Variants in AADACL3 observed in about 807,000 individuals in gnomAD.
AADACL3 encodes arylacetamide deacetylase like 3.
AADACL3 carries 13 observed loss-of-function variants against 13.6 expected under a neutral mutation model. The observed-to-expected ratio is 0.95, with a 90% CI of 0.62 to 1.52. AADACL3 has a LOEUF of 1.52. Among genes scored for constraint, AADACL3 ranks in the 40% most tolerant of loss-of-function variants. The probability of loss-of-function intolerance (pLI) is 0.00; values close to 1 mark genes in which losing one functional copy is unlikely to be tolerated. For synonymous variants in AADACL3, 195 were observed against 197.0 expected (o/e 0.99, Z 0.08); for missense variants, 519 against 499.2 (o/e 1.04, Z -0.38).
At position 12,725,203 on chromosome 1, in the gene AADACL3, T is replaced by C; in HGVS notation, c.450-19T>C. On this transcript the variant is annotated intron_variant, in intron 3 of 3. Coordinates refer to ENST00000359318, the MANE Select transcript of AADACL3 (RefSeq NM_001103170.3). ...ATCTGCCGGGGCGTTATCAACTGTG[T>C]TTCTTGATTCCTTTTTAGTTACCGC... is the stretch of plus-strand genomic sequence containing the variant. The C allele has an allele frequency of 6.4e-7, 1 of 1,573,138 alleles. No homozygotes were observed. The highest frequency in any genetic ancestry group is 8.6e-7 in the Non-Finnish European group (1 of 1,160,408).
intron 3 of AADACL3, among the ~76,000 whole-genome samples, chr1:12,723,788 AT>A (rs34002486): frequency 2.8e-4 from 38 of 137,752 alleles, no homozygotes; most frequent in Admixed American, 5.2e-4. Context: ...TGACTTTATA[AT>A]TTTTTTTTTT....
chr1:12,716,446 T>C, intron 1 of AADACL3, 102 bp downstream of exon 1: 2 of 1,492,064 alleles, frequency 1.3e-6, no homozygotes, highest in Non-Finnish European at 1.9e-6. Flanking sequence ...ACCGGTATCA[T>C]GGGGCCTGCA....
At position 12,725,873 on chromosome 1, in the gene AADACL3, G is replaced by T; in HGVS notation, c.1101G>T (p.Val367=). 2 of 1,614,206 alleles carry T rather than the reference G, an allele frequency of 1.2e-6. No individual in the cohort carries two copies. Among genetic ancestry groups the T allele is most frequent in the Non-Finnish European group, 1.7e-6 (2 of 1,180,034 alleles). ...GGCTGGAAGACCTGGGAGTGCCCGT[G>T]ACCTGGCACCATATGGAGGATGGTT... ...KKRLEDLGVP[V]TWHHMEDGFH... The change falls in exon 4 of 4, where the codon GTG becomes GTT. Residue 367 remains valine (V), a synonymous_variant. Coordinates refer to ENST00000359318, the MANE Select transcript of AADACL3 (RefSeq NM_001103170.3).
Position 12,719,675 on chromosome 1 carries a change from C to T in AADACL3, c.369C>T (p.Gly123=), listed in dbSNP as rs200204186. The part of the protein sequence containing the change: ...PGIVYYHGGG[G]VMGSLKTHHG... The stretch of plus-strand genomic sequence containing the variant: ...TCGTGTACTACCACGGTGGCGGGGG[C>T]GTCATGGGGAGTTTGAGTAAGAACC... Residue 123 remains glycine (G), a synonymous_variant, in exon 2 of 4, where the codon GGC becomes GGT. Coordinates refer to ENST00000359318, the MANE Select transcript of AADACL3 (RefSeq NM_001103170.3). The T allele has an allele frequency of 8.1e-6, 13 of 1,613,808 alleles. No individual in the cohort carries two copies. Among genetic ancestry groups the T allele is most frequent in the East Asian group, 4.5e-5 (2 of 44,884 alleles).
In AADACL3 at chr1:12,719,626, C is replaced by A. The variant is rs1648523657; in HGVS notation, c.320C>A (p.Ser107Tyr). The change falls in exon 2 of 4, where the codon TCC becomes TAC. Residue 107 changes from serine to tyrosine, a missense_variant. Physicochemically the swap from Ser to Tyr is moderately radical, Grantham distance 144 (BLOSUM62 -2). Coordinates refer to ENST00000359318, the MANE Select transcript of AADACL3 (RefSeq NM_001103170.3). ...IPVKLYQPKA[S>Y]TCTLKPGIVY... is the part of the protein sequence containing the mutation. ...GTGAAGCTGTACCAACCCAAGGCAT[C>A]CACCTGCACCCTGAAGCCTGGCATC... 6.2e-7 allele frequency: 1 copy of A among 1,614,054 alleles called. No homozygotes were observed. Among genetic ancestry groups the A allele is most frequent in the Non-Finnish European group, 8.5e-7 (1 of 1,180,030 alleles).
intron 3 of AADACL3, among the ~76,000 whole-genome samples, chr1:12,721,389 T>G (rs1638256904): frequency 6.6e-6 from 1 of 152,058 alleles, no homozygotes; most frequent in Non-Finnish European, 1.5e-5. Flanking sequence ...AACAAGACCC[T>G]GTCTTAAAAC....
At chr1:12,723,422 G>T (rs533226743) in intron 3 of AADACL3, among the ~76,000 whole-genome samples, 1 of 152,242 alleles carries the variant, frequency 6.6e-6, no homozygotes, top group South Asian at 2.1e-4. Context: ...GCCTCATTGA[G>T]AGCTTCTGTA....
Position 12,726,228 on chromosome 1 carries a change from G to T in AADACL3, c.*232G>T. On this transcript the variant is annotated 3_prime_UTR_variant, in exon 4 of 4. Transcript: ENST00000359318. ...GGGAGTGTGGCTGTCTCTATTCTCT[G>T]TTGGGAAAACCTGGGCTGACAATAT... The T allele has an allele frequency of 1.9e-6, 1 of 535,978 alleles. No homozygotes were observed. The highest frequency in any genetic ancestry group is 3.3e-6 in the Non-Finnish European group (1 of 307,402). The allele number at this position is 535,978 out of a possible 1,614,324, so 33.2% of individuals were successfully genotyped here.
At chr1:12,717,878 G>C (rs1301426217) in intron 1 of AADACL3, among the ~76,000 whole-genome samples, 1 of 151,956 alleles carries the variant, frequency 6.6e-6, no homozygotes, top group African/African-American at 2.4e-5. Context: ...AACACAAGGG[G>C]GTCATGGATT....
intron 1 of AADACL3, among the ~76,000 whole-genome samples, chr1:12,719,157 T>C (rs543950453): frequency 6.6e-6 from 1 of 152,076 alleles, no homozygotes; most frequent in East Asian, 1.9e-4. Flanking sequence ...CAGGGCCTCG[T>C]GGTGGAGGTG....
rs760312708 is a variant in AADACL3 at position 12,720,902 on chromosome 1, C to A, written c.405C>A (p.Cys135Ter). The A allele has an allele frequency of 1.9e-6, 3 of 1,612,646 alleles. No homozygotes were observed. In the South Asian group the frequency reaches 3.3e-5, roughly 18 times the overall value. ...MGSLKTHHGI[C>*]SRLCKESDSV... Reference sequence around the variant, plus strand: ...TTCTAGAAACCCACCATGGCATATGCTCTCGTTTGTGCAAGGAGAGTGACT... The same window carrying A: ...TTCTAGAAACCCACCATGGCATATGATCTCGTTTGTGCAAGGAGAGTGACT... Residue 135 changes from cysteine to a stop codon, truncating the protein, a stop_gained, in exon 3 of 4, where the codon TGC becomes TGA. Coordinates refer to ENST00000359318, the MANE Select transcript of AADACL3 (RefSeq NM_001103170.3). LOFTEE classifies it low-confidence loss of function (END_TRUNC).
At position 12,728,439 on chromosome 1, in the gene AADACL3, A is replaced by T. The variant is rs3000929; in HGVS notation, c.*2443A>T. On this transcript the variant is annotated 3_prime_UTR_variant, in exon 4 of 4. Transcript: ENST00000359318. ...CAATAGCATTATGTCTTTAAAAAGC[A>T]TGTACATACCTTAATTTAAAAATAC... 12 of 152,180 alleles carry T rather than the reference A, an allele frequency of 7.9e-5. No homozygotes were observed. Among genetic ancestry groups the T allele is most frequent in the African/African-American group, 2.9e-4 (12 of 41,420 alleles). The allele number at this position is 152,180 out of a possible 1,614,324, so 9.4% of individuals were successfully genotyped here. A position where few individuals can be genotyped will look rare whatever the true frequency, so the allele number is the denominator to read the frequency against.
At chr1:12,722,396 C>T (rs1333093054) in intron 3 of AADACL3, among the ~76,000 whole-genome samples, 1 of 150,864 alleles carries the variant, frequency 6.6e-6, no homozygotes, top group African/African-American at 2.4e-5. Flanking sequence ...CCTGGATAAA[C>T]CCCTGACTTT....
At chr1:12,723,686 C>A (rs1638309594) in intron 3 of AADACL3, among the ~76,000 whole-genome samples, 1 of 152,006 alleles carries the variant, frequency 6.6e-6, no homozygotes, top group Non-Finnish European at 1.5e-5. Context: ...ACCTTGTTGC[C>A]CAGGCTGGTT....
intron 1 of AADACL3, among the ~76,000 whole-genome samples, chr1:12,718,834 T>C (rs535709386): frequency 6.6e-6 from 1 of 152,296 alleles, no homozygotes; most frequent in African/African-American, 2.4e-5. Flanking sequence ...CTTTGACATA[T>C]ACCAAAGGGG....
chr1:12,725,344 G>A lies in AADACL3; in HGVS notation c.572G>A (p.Gly191Asp). 1.2e-6 allele frequency: 2 copies of A among 1,614,144 alleles called. No individual in the cohort carries two copies. Among genetic ancestry groups the A allele is most frequent in the Non-Finnish European group, 1.7e-6 (2 of 1,180,020 alleles). The change falls in exon 4 of 4, where the codon GGT becomes GAT. Residue 191 changes from glycine to aspartate, a missense_variant. By Grantham distance (94) the Gly-to-Asp change is moderately conservative. Transcript: ENST00000359318. ...GVDPARVVVC[G>D]DSFGGAIAAV... ...GATCCAGCCCGGGTTGTGGTCTGCGGTGACAGTTTCGGAGGGGCAATAGCC... is the reference window on the plus strand; with the variant it reads ...GATCCAGCCCGGGTTGTGGTCTGCGATGACAGTTTCGGAGGGGCAATAGCC...
At position 12,727,665 on chromosome 1, in the gene AADACL3, T is replaced by C. The variant is rs3010888; in HGVS notation, c.*1669T>C. On this transcript the variant is annotated 3_prime_UTR_variant, in exon 4 of 4. Transcript: ENST00000359318. ...AACTATGAGGCAGAGAGGAATCCCA[T>C]TGGGTGGCTCCTTGCTGCATTCGCA... The C allele has an allele frequency of 0.31, 46,772 of 152,144 alleles. 7,515 individuals carry two copies. Among genetic ancestry groups the C allele is most frequent in the African/African-American group, 0.41 (17,172 of 41,494 alleles). The allele number at this position is 152,144 out of a possible 1,614,324, so 9.4% of individuals were successfully genotyped here.
At chr1:12,722,496 C>T (rs970086558) in intron 3 of AADACL3, among the ~76,000 whole-genome samples, 6 of 151,914 alleles carry the variant, frequency 3.9e-5, no homozygotes, top group African/African-American at 1.5e-4. Context: ...ACCAAGAGAT[C>T]GTCAGTAGAA....
chr1:12,724,607 C>T (rs1638328368), intron 3 of AADACL3, among the ~76,000 whole-genome samples: 1 of 152,138 alleles, frequency 6.6e-6, no homozygotes, highest in Non-Finnish European at 1.5e-5. Context: ...GCCTCACCCT[C>T]CTGAGTAGCT....
Sources: allele counts gnomAD v4.1 joint callset (sites outside exome capture counted in the v4.1 genomes callset), GRCh38; gene constraint gnomAD v4.1.1; transcripts MANE v1.5; gene names NCBI Gene and HGNC (gene_info 2026-07-23, HGNC 2026-07-21).